The following TP73 variants were observed in gnomAD, a reference collection of about 807,000 sequenced individuals.
TP73 encodes the protein tumor protein p73, also known as p53-like transcription factor.
TP73 carries 25 observed loss-of-function variants against 62.5 expected under a neutral mutation model. That is an observed-to-expected ratio of 0.40 (90% CI 0.29 to 0.56). TP73 has a LOEUF of 0.56. Among genes scored for constraint, TP73 ranks in the 20% least tolerant of loss-of-function variants. The pLI is 0.46. For synonymous variants in TP73, 423 were observed against 377.5 expected, an observed-to-expected ratio of 1.12 and a Z score of -1.40; for missense variants, 754 against 913.3, an observed-to-expected ratio of 0.83 and a Z score of 2.25.
chr1:3,665,950 T>G lies in TP73; in HGVS notation c.-34+13309T>G, dbSNP rs530225105. Among the ~76,000 whole-genome samples, 5 of 147,324 alleles carry G rather than the reference T, an allele frequency of 3.4e-5. No individual in the cohort carries two copies. In the East Asian group the frequency reaches 1.0e-3, roughly 30 times the overall value. ...GAGTTTGAGACCAACCTGGCCAACA[T>G]ACAGTGAAACCCCATCTCTACTAAA... On this transcript the variant is annotated intron_variant, in intron 1 of 13. Coordinates refer to ENST00000378295, the MANE Select transcript of TP73 (RefSeq NM_005427.4).
chr1:3,679,256 T>C (rs185506924), intron 1 of TP73, among the ~76,000 whole-genome samples: 167 of 152,302 alleles, frequency 1.1e-3, no homozygotes, highest in Non-Finnish European at 1.4e-3. Context: ...CCAACGCCCA[T>C]GTCCCAGGCA....
chr1:3,706,859 C>T (rs1639701635), intron 3 of TP73, among the ~76,000 whole-genome samples: 1 of 152,100 alleles, frequency 6.6e-6, no homozygotes. Flanking sequence ...AACGAGAGAA[C>T]CCCGGGCCAG....
chr1:3,690,136 C>T (rs1645774012), intron 3 of TP73, among the ~76,000 whole-genome samples: 1 of 152,196 alleles, frequency 6.6e-6, no homozygotes, highest in South Asian at 2.1e-4. Context: ...GCTCCAAACG[C>T]ACGGCTCTGG....
At chr1:3,697,965 G>C (rs1638818049) in intron 3 of TP73, 1 of 475,086 alleles carries the variant, frequency 2.1e-6, no homozygotes, top group Non-Finnish European at 2.8e-6. Flanking sequence ...CCCCGTGACT[G>C]CCTCCCCCTC....
intron 4 of TP73, among the ~76,000 whole-genome samples, chr1:3,716,677 T>A (rs1017783018): frequency 6.6e-6 from 1 of 152,154 alleles, no homozygotes; most frequent in Non-Finnish European, 1.5e-5. Context: ...AAGGGGGCTG[T>A]CACCAAGGGG....
chr1:3,660,096 G>C (rs977071888), intron 1 of TP73, among the ~76,000 whole-genome samples: 1 of 152,212 alleles, frequency 6.6e-6, no homozygotes, highest in Non-Finnish European at 1.5e-5. Flanking sequence ...GGTCAGCTTT[G>C]CTGGAACTTT....
chr1:3,733,367 G>C lies in TP73; in HGVS notation c.*288G>C, dbSNP rs1025724123. The C allele has an allele frequency of 6.2e-6, 3 of 486,288 alleles. No individual in the cohort carries two copies. Among genetic ancestry groups the C allele is most frequent in the Non-Finnish European group, 7.3e-6 (2 of 272,130 alleles). 30.1% of individuals were successfully genotyped at this position (486,288 alleles called of 1,614,324 possible). A position where few individuals can be genotyped will look rare whatever the true frequency, so the allele number is the denominator to read the frequency against. On this transcript the variant is annotated 3_prime_UTR_variant, in exon 14 of 14. Coordinates refer to ENST00000378295, the MANE Select transcript of TP73 (RefSeq NM_005427.4). ...CTCAGCCCTGCCACTGCCCCGGCGT[G>C]CTCCATGGCAGGCGTGGGTGGGGAC...
rs376305408 is a variant in TP73 at position 3,688,511 on chromosome 1, C to T, written c.186+5331C>T. On this transcript the variant is annotated intron_variant, in intron 3 of 13. Coordinates refer to ENST00000378295, the MANE Select transcript of TP73 (RefSeq NM_005427.4). ...CCCTGTCCTGCGGCCCAGGGTCCTG[C>T]GGAAAGTCAGGCGGAATCCCCGGTG... 3.9e-4 allele frequency among the ~76,000 whole-genome samples: 60 copies of T among 152,256 alleles called. 2 individuals are homozygous for T. In the East Asian group the frequency reaches 9.3e-3, roughly 24 times the overall value.
chr1:3,668,303 TCACACACATCC>T (rs1557490189), intron 1 of TP73, among the ~76,000 whole-genome samples: 1 of 152,148 alleles, frequency 6.6e-6, no homozygotes. Context: ...TGAGTAGCTG[TCACACACATCC>T]GTGCAGCACC....
At chr1:3,695,820 G>A (rs1190037753) in intron 3 of TP73, among the ~76,000 whole-genome samples, 6 of 152,250 alleles carry the variant, frequency 3.9e-5, no homozygotes, top group African/African-American at 1.4e-4. Flanking sequence ...CCAAGGCCAG[G>A]AGCCGCCTGC....
chr1:3,682,411 G>A lies in TP73; in HGVS notation c.46G>A (p.Glu16Lys). The A allele has an allele frequency of 3.8e-6, 6 of 1,563,900 alleles. No homozygotes were observed. The highest frequency in any genetic ancestry group is 1.8e-5 in the Admixed American group (1 of 54,962). Residue 16 changes from glutamate (E) to lysine (K), a missense_variant, in exon 2 of 14, where the codon GAG becomes AAG. Glu to Lys is a moderately conservative substitution (Grantham distance 56, BLOSUM62 1). Transcript: ENST00000378295. The stretch of plus-strand genomic sequence containing the variant: ...CTCCCCTGATGGGGGCACCACGTTT[G>A]AGCACCTCTGGAGCTCTCTGTGAGT... Reference protein sequence around the residue: ...ATSPDGGTTFEHLWSSLEPDS... With the variant: ...ATSPDGGTTFKHLWSSLEPDS...
At position 3,696,293 on chromosome 1, in the gene TP73, G is replaced by A. The variant is rs1465768945; in HGVS notation, c.187-11256G>A. On this transcript the variant is annotated intron_variant, in intron 3 of 13. Transcript: ENST00000378295. This position sits in a 1 kb window ranked among gnomAD's most constrained non-coding sequence, Gnocchi z 4.1. ...AGGTTCCATTTGCACCCTTGCAGGA[G>A]GCTCTGCTGCTCCCCAAGGCAGGAA... Among the ~76,000 whole-genome samples, 1 of 152,108 alleles carries A rather than the reference G, an allele frequency of 6.6e-6. No homozygotes were observed. Among genetic ancestry groups the A allele is most frequent in the African/African-American group, 2.4e-5 (1 of 41,420 alleles).
chr1:3,718,161 C>T (rs960909123), intron 4 of TP73, among the ~76,000 whole-genome samples: 1 of 152,220 alleles, frequency 6.6e-6, no homozygotes, highest in Non-Finnish European at 1.5e-5. Flanking sequence ...GTCCGGCCGC[C>T]GCCTGCACCG....
chr1:3,726,862 A>G (rs1283374433), intron 6 of TP73, among the ~76,000 whole-genome samples: 2 of 131,482 alleles, frequency 1.5e-5, no homozygotes, highest in South Asian at 2.6e-4. Context: ...GGGTTGGTGG[A>G]TGGATGGATG....
intron 3 of TP73, among the ~76,000 whole-genome samples, chr1:3,697,085 G>A (rs1440070176): frequency 6.6e-6 from 1 of 152,194 alleles, no homozygotes; most frequent in African/African-American, 2.4e-5. Context: ...CCAGAGCCCT[G>A]GAGGCACTCT....
At chr1:3,688,480 G>C (rs1267210094) in intron 3 of TP73, among the ~76,000 whole-genome samples, 2 of 152,146 alleles carry the variant, frequency 1.3e-5, no homozygotes, top group African/African-American at 4.8e-5. Flanking sequence ...CGGCAGCGTC[G>C]TTCCCCCCTG....
chr1:3,727,867 T>G (rs1570635949), intron 8 of TP73, 97 bp downstream of exon 8: 12 of 1,431,492 alleles, frequency 8.4e-6, no homozygotes, highest in Non-Finnish European at 1.1e-5. Flanking sequence ...ACAGGGCCAG[T>G]CCCTGAACGG....
intron 5 of TP73, among the ~76,000 whole-genome samples, chr1:3,722,648 C>T (rs1331681127): frequency 6.6e-6 from 1 of 152,202 alleles, no homozygotes; most frequent in African/African-American, 2.4e-5. Flanking sequence ...AGTTCTGCTG[C>T]GATGCACCTG....
At chr1:3,680,053 C>T (rs1293215776) in intron 1 of TP73, among the ~76,000 whole-genome samples, 1 of 151,858 alleles carries the variant, frequency 6.6e-6, no homozygotes, top group African/African-American at 2.4e-5. Flanking sequence ...GTCTCTATCC[C>T]TGTCTCTATG....
Sources: gnomAD v4.1 joint callset for allele counts (sites outside exome capture counted in the v4.1 genomes callset) on GRCh38, gnomAD v4.1.1 for gene constraint, Gnocchi (gnomAD v3.1) non-coding constraint, MANE v1.5 for transcripts, NCBI Gene and HGNC (gene_info 2026-07-23, HGNC 2026-07-21) for gene names.